The following BACH2 variants were observed in gnomAD, a reference collection of about 807,000 sequenced individuals.
BACH2 encodes BACH transcriptional regulator 2, also known as transcription regulator protein BACH2.
BACH2 carries 5 observed loss-of-function variants against 61.8 expected under a neutral mutation model. The observed-to-expected ratio is 0.08, with a 90% CI of 0.04 to 0.17. The LOEUF is 0.17. Among genes scored for constraint, BACH2 ranks in the 10% least tolerant of loss-of-function variants. BACH2 has a pLI of 1.00. For synonymous variants in BACH2, 446 were observed against 440.1 expected, an observed-to-expected ratio of 1.01 and a Z score of -0.17; for missense variants, 824 against 1,091.1, an observed-to-expected ratio of 0.76 and a Z score of 3.45.
At chr6:90,096,591 T>C (rs1252346948) in intron 4 of BACH2, among the ~76,000 whole-genome samples, 1 of 152,198 alleles carries the variant, frequency 6.6e-6, no homozygotes, top group Non-Finnish European at 1.5e-5. Context: ...CACCAATACA[T>C]GAATGAAGAT....
intron 5 of BACH2, chr6:90,080,857 A>G: frequency 1.2e-6 from 1 of 810,670 alleles, no homozygotes. Flanking sequence ...CATGCGCGGT[A>G]CTCGAGCAGC....
At chr6:90,092,291 A>AAAAAAAAAATATATATAC in intron 4 of BACH2, among the ~76,000 whole-genome samples, 1 of 113,826 alleles carries the variant, frequency 8.8e-6, no homozygotes, top group East Asian at 4.8e-4. Context: ...AAAAAAAAAA[A>AAAAAAAAAATATATATAC]ATATATATAT....
intron 4 of BACH2, among the ~76,000 whole-genome samples, chr6:90,150,902 G>A (rs1468708998): frequency 6.6e-6 from 1 of 152,208 alleles, no homozygotes; most frequent in Admixed American, 6.5e-5. Flanking sequence ...GTTGCCTAAA[G>A]CAAGAGAGCT....
At chr6:89,947,159 A>G (rs568713848) in intron 7 of BACH2, among the ~76,000 whole-genome samples, 1 of 152,336 alleles carries the variant, frequency 6.6e-6, no homozygotes, top group Non-Finnish European at 1.5e-5. Context: ...TTCACTTGAA[A>G]GAGAAGGCAC....
At chr6:90,240,064 T>G (rs1200483913) in intron 3 of BACH2, among the ~76,000 whole-genome samples, 7 of 152,138 alleles carry the variant, frequency 4.6e-5, no homozygotes, top group African/African-American at 1.7e-4. Flanking sequence ...AAAACAGATA[T>G]ATTTTATTAT....
intron 2 of BACH2, among the ~76,000 whole-genome samples, chr6:90,266,865 T>C (rs905955083): frequency 1.3e-5 from 2 of 152,154 alleles, no homozygotes; most frequent in Non-Finnish European, 1.5e-5. Context: ...ATGTACTATA[T>C]GCCACTGAAT....
intron 4 of BACH2, among the ~76,000 whole-genome samples, chr6:90,127,283 G>C (rs1028587440): frequency 2.6e-5 from 4 of 152,212 alleles, no homozygotes; most frequent in Non-Finnish European, 5.9e-5. Context: ...CTCCGCTCCG[G>C]GGTTGATGGC....
At chr6:90,204,537 T>A (rs933591867) in intron 4 of BACH2, among the ~76,000 whole-genome samples, 1 of 152,012 alleles carries the variant, frequency 6.6e-6, no homozygotes, top group Non-Finnish European at 1.5e-5. Flanking sequence ...GAACATAATA[T>A]CCCAAGCAAC....
At chr6:89,980,843 C>A (rs1454767979) in intron 6 of BACH2, among the ~76,000 whole-genome samples, 1 of 150,252 alleles carries the variant, frequency 6.7e-6, no homozygotes, top group Non-Finnish European at 1.5e-5. Flanking sequence ...CCATTTTAAC[C>A]TTTTGTTCTC....
intron 3 of BACH2, among the ~76,000 whole-genome samples, chr6:90,221,860 G>T (rs535662050): frequency 2.6e-5 from 4 of 152,140 alleles, no homozygotes; most frequent in Non-Finnish European, 1.5e-5. Flanking sequence ...GGGACAGGAA[G>T]GGCTGGGAGA....
In BACH2 at chr6:89,954,956, T is replaced by G. The variant is rs1056184507; in HGVS notation, c.244-3094A>C. ...AGCTCATAACTAGCTCTTCTCCCAT[T>G]CTGGTTTCAGTCCTGCTTTGTCATA... On this transcript the variant is annotated intron_variant, in intron 6 of 8. Transcript: ENST00000257749. Among the ~76,000 whole-genome samples, 9 of 152,330 alleles carry G rather than the reference T, an allele frequency of 5.9e-5. 1 individual carries two copies. The highest frequency in any genetic ancestry group is 2.2e-4 in the African/African-American group (9 of 41,572).
At chr6:89,948,118 G>A (rs775644859) in intron 7 of BACH2, among the ~76,000 whole-genome samples, 11 of 152,206 alleles carry the variant, frequency 7.2e-5, no homozygotes, top group Non-Finnish European at 1.0e-4. Flanking sequence ...AGGGTGGGGG[G>A]ACACAAAAGA....
intron 6 of BACH2, among the ~76,000 whole-genome samples, chr6:89,995,690 T>C (rs1386757062): frequency 6.6e-6 from 1 of 152,212 alleles, no homozygotes; most frequent in Non-Finnish European, 1.5e-5. Context: ...AATTTGTTCA[T>C]GGCATTTAAA....
intron 5 of BACH2, among the ~76,000 whole-genome samples, chr6:90,054,302 G>A (rs1407634113): frequency 6.6e-6 from 1 of 152,218 alleles, no homozygotes; most frequent in East Asian, 1.9e-4. Flanking sequence ...TTAAAAAATG[G>A]CACACCAGGA....
intron 5 of BACH2, among the ~76,000 whole-genome samples, chr6:90,052,617 C>T (rs750521067): frequency 3.7e-4 from 56 of 152,220 alleles, no homozygotes; most frequent in Middle Eastern, 3.4e-3. Flanking sequence ...GACAGGGTTT[C>T]GCCATGTTGG....
Position 90,211,629 on chromosome 6 carries a change from T to TGC in BACH2, c.-274-4949_-274-4948insGC, listed in dbSNP as rs201027376. ...GTGTGTGTGTGTGTGTGTGTGTGTG[T>TGC]GTGCTCTCCTGACCCTTGAAAATGC... is the stretch of plus-strand genomic sequence containing the variant. On this transcript the variant is annotated intron_variant, in intron 3 of 8. Coordinates refer to ENST00000257749, the MANE Select transcript of BACH2 (RefSeq NM_021813.4). Among the ~76,000 whole-genome samples, 1,081 of 143,644 alleles carry TGC rather than the reference T, an allele frequency of 7.5e-3. 15 individuals are homozygous for TGC. The highest frequency in any genetic ancestry group is 0.028 in the African/African-American group (1,014 of 36,630). The allele number at this position is 143,644 out of a possible 152,430, so 94.2% of individuals were successfully genotyped here. A position where few individuals can be genotyped will look rare whatever the true frequency, so the allele number is the denominator to read the frequency against.
intron 6 of BACH2, among the ~76,000 whole-genome samples, chr6:89,978,489 A>C (rs1775773775): frequency 6.6e-6 from 1 of 152,156 alleles, no homozygotes; most frequent in Non-Finnish European, 1.5e-5. Flanking sequence ...CTCGCTCATA[A>C]TTACAGTGGT....
chr6:89,935,900 G>A (rs1772993458), intron 8 of BACH2, among the ~76,000 whole-genome samples: 1 of 152,204 alleles, frequency 6.6e-6, no homozygotes. Flanking sequence ...AAGCCCAGCA[G>A]GCTTTCAGAA....
rs1562317674 is a variant in BACH2, at chr6:89,950,462, CGAG to C, written c.1641_1643del (p.Ser548del). 4.3e-6 allele frequency: 7 copies of C among 1,614,132 alleles called. No homozygotes were observed. Among genetic ancestry groups the C allele is most frequent in the Non-Finnish European group, 5.9e-6 (7 of 1,180,014 alleles). ...GGAATCTGGCTCCCTGGGAACAGGG[CGAG>C]GAGGAGAACTCACAGAGAGGGAGGC... On this transcript the variant is annotated inframe_deletion, in exon 7 of 9. Transcript: ENST00000257749. This position sits in a 1 kb window ranked among gnomAD's most constrained non-coding sequence, Gnocchi z 5.3.
Sources: allele counts gnomAD v4.1 joint callset (sites outside exome capture counted in the v4.1 genomes callset), GRCh38; gene constraint gnomAD v4.1.1; non-coding constraint Gnocchi (gnomAD v3.1); transcripts MANE v1.5; gene names NCBI Gene and HGNC (gene_info 2026-07-23, HGNC 2026-07-21).